The following TMEM178B variants were observed in gnomAD, a reference collection of about 807,000 sequenced individuals.
TMEM178B encodes the protein transmembrane protein 178B.
A neutral mutation model predicts 31.0 loss-of-function variants in TMEM178B; 5 were observed. The ratio of observed to expected loss-of-function variants is 0.16; its 90% confidence interval spans 0.08 to 0.34. The LOEUF (loss-of-function observed/expected upper bound fraction) is 0.34, where lower values mean the gene tolerates loss of function less well. Among genes scored for constraint, TMEM178B ranks in the 10% least tolerant of loss-of-function variants. The probability of loss-of-function intolerance (pLI) is 1.00; values close to 1 mark genes in which losing one functional copy is unlikely to be tolerated. For missense variants in TMEM178B, 275 were observed against 400.3 expected (o/e 0.69, Z 2.67); for synonymous variants, 164 against 164.0 (o/e 1.00, Z 0.00).
At chr7:141,420,603 T>C (rs1170522797) in intron 2 of TMEM178B, among the ~76,000 whole-genome samples, 1 of 152,110 alleles carries the variant, frequency 6.6e-6, no homozygotes, top group Non-Finnish European at 1.5e-5. Context: ...TACAGGTTAC[T>C]AACAAGCATC....
chr7:141,256,149 G>A (rs1797924519), intron 2 of TMEM178B, among the ~76,000 whole-genome samples: 2 of 151,936 alleles, frequency 1.3e-5, no homozygotes, highest in Non-Finnish European at 2.9e-5. Flanking sequence ...CCTGTGGTAG[G>A]GCATATTCTA....
chr7:141,457,705 C>A (rs1801991326), intron 3 of TMEM178B, among the ~76,000 whole-genome samples: 1 of 152,206 alleles, frequency 6.6e-6, no homozygotes, highest in South Asian at 2.1e-4. Context: ...ACCTCTGTAG[C>A]ACTTACAAAA....
intron 2 of TMEM178B, among the ~76,000 whole-genome samples, chr7:141,408,462 G>A (rs752915284): frequency 2.6e-5 from 4 of 152,200 alleles, no homozygotes; most frequent in Non-Finnish European, 5.9e-5. Context: ...TCTGGAGTGG[G>A]CCTAAGAATT....
At chr7:141,179,406 G>A (rs1031623606) in intron 1 of TMEM178B, among the ~76,000 whole-genome samples, 3 of 152,066 alleles carry the variant, frequency 2.0e-5, no homozygotes, top group Non-Finnish European at 4.4e-5. Flanking sequence ...TTTTTCTTTT[G>A]AGGGACAGAA....
At chr7:141,456,386 A>C (rs1563187500) in intron 3 of TMEM178B, among the ~76,000 whole-genome samples, 1 of 152,148 alleles carries the variant, frequency 6.6e-6, no homozygotes, top group Non-Finnish European at 1.5e-5. Flanking sequence ...GGTAGTGTAC[A>C]CTTTCCACAA....
chr7:141,449,418 C>A (rs1484093043), intron 3 of TMEM178B, among the ~76,000 whole-genome samples: 1 of 152,128 alleles, frequency 6.6e-6, no homozygotes, highest in Non-Finnish European at 1.5e-5. Context: ...AAGAAGTGAC[C>A]AAAAATAGCC....
intron 2 of TMEM178B, among the ~76,000 whole-genome samples, chr7:141,333,766 C>G (rs13438169): frequency 2.8e-4 from 42 of 152,150 alleles, no homozygotes; most frequent in African/African-American, 1.0e-3. Context: ...GGGTGGAGGG[C>G]GGAGAATGGT....
intron 2 of TMEM178B, among the ~76,000 whole-genome samples, chr7:141,253,867 G>A (rs1797876427): frequency 6.6e-6 from 1 of 152,042 alleles, no homozygotes; most frequent in South Asian, 2.1e-4. Context: ...CATTTTTGAA[G>A]GCTCTACAAT....
At chr7:141,228,757 T>G (rs1397691584) in intron 2 of TMEM178B, among the ~76,000 whole-genome samples, 1 of 152,248 alleles carries the variant, frequency 6.6e-6, no homozygotes, top group African/African-American at 2.4e-5. Context: ...GCTTGTATCA[T>G]TTTCCTCCAT....
chr7:141,281,300 C>A (rs1280619770), intron 2 of TMEM178B, among the ~76,000 whole-genome samples: 1 of 150,752 alleles, frequency 6.6e-6, no homozygotes, highest in East Asian at 1.9e-4. Flanking sequence ...ATCAGTGAGA[C>A]CCACAAGATA....
intron 2 of TMEM178B, among the ~76,000 whole-genome samples, chr7:141,364,387 A>C (rs901735554): frequency 5.9e-5 from 9 of 152,140 alleles, no homozygotes; most frequent in African/African-American, 2.2e-4. Flanking sequence ...GGGGCTGGGC[A>C]CGGTGGCTCA....
At chr7:141,440,859 G>A (rs1171908709) in intron 3 of TMEM178B, among the ~76,000 whole-genome samples, 2 of 152,178 alleles carry the variant, frequency 1.3e-5, no homozygotes, top group Non-Finnish European at 2.9e-5. Context: ...GTTGTTACTT[G>A]TGTCCATAGG....
chr7:141,111,534 G>T (rs1229245563), intron 1 of TMEM178B, among the ~76,000 whole-genome samples: 1 of 152,192 alleles, frequency 6.6e-6, no homozygotes, highest in Non-Finnish European at 1.5e-5. Flanking sequence ...TGTTATACAG[G>T]ATTGCTTCAA....
At chr7:141,188,274 C>T (rs563887162) in intron 1 of TMEM178B, among the ~76,000 whole-genome samples, 1 of 152,112 alleles carries the variant, frequency 6.6e-6, no homozygotes, top group East Asian at 1.9e-4. Flanking sequence ...GTTGAGCATC[C>T]CTAATCCAAA....
At chr7:141,423,354 A>G (rs1443051902) in intron 2 of TMEM178B, among the ~76,000 whole-genome samples, 2 of 152,188 alleles carry the variant, frequency 1.3e-5, no homozygotes, top group Non-Finnish European at 2.9e-5. Context: ...TTAATCCAAT[A>G]TATCTAGATG....
At chr7:141,230,764 G>A (rs1370260974) in intron 2 of TMEM178B, among the ~76,000 whole-genome samples, 1 of 152,178 alleles carries the variant, frequency 6.6e-6, no homozygotes. Context: ...AACCTCCCCA[G>A]TAGCTAGGAC....
At chr7:141,176,805 C>T (rs1796442003) in intron 1 of TMEM178B, among the ~76,000 whole-genome samples, 2 of 152,032 alleles carry the variant, frequency 1.3e-5, no homozygotes, top group Non-Finnish European at 2.9e-5. Context: ...GTGGTGATAT[C>T]CTCTTTATCA....
chr7:141,255,664 T>C (rs928444627), intron 2 of TMEM178B, among the ~76,000 whole-genome samples: 12 of 151,330 alleles, frequency 7.9e-5, no homozygotes, highest in African/African-American at 2.7e-4. Context: ...TTTTTCAGGG[T>C]GAGTAAAAAA....
At chr7:141,429,420 A>G (rs190310216) in intron 2 of TMEM178B, among the ~76,000 whole-genome samples, 1 of 152,344 alleles carries the variant, frequency 6.6e-6, no homozygotes, top group East Asian at 1.9e-4. Flanking sequence ...CCTGGAGGAC[A>G]CTATGCTAAG....
Sources: allele counts gnomAD v4.1 joint callset (sites outside exome capture counted in the v4.1 genomes callset), GRCh38; gene constraint gnomAD v4.1.1; transcripts MANE v1.5; gene names NCBI Gene and HGNC (gene_info 2026-07-23, HGNC 2026-07-21).